The following TRIM71 variants were observed in gnomAD, a reference collection of about 807,000 sequenced individuals.
TRIM71 encodes the protein E3 ubiquitin-protein ligase TRIM71.
TRIM71 carries 9 observed loss-of-function variants against 61.2 expected under a neutral mutation model. The ratio of observed to expected loss-of-function variants is 0.15; its 90% confidence interval spans 0.09 to 0.26. TRIM71 has a LOEUF of 0.26. Ranked by LOEUF, TRIM71 falls within the 10% of genes least tolerant of loss-of-function variation. TRIM71 has a pLI of 1.00. For synonymous variants in TRIM71, 645 were observed against 553.2 expected (o/e 1.17, Z -2.33); for missense variants, 998 against 1,238.7 (o/e 0.81, Z 2.92).
rs1697037977 is a variant in TRIM71, at chr3:32,892,493, C to T, written c.*682C>T. The T allele has an allele frequency of 2.0e-5, 3 of 152,116 alleles. No individual in the cohort carries two copies. The highest frequency in any genetic ancestry group is 2.1e-4 in the South Asian group (1 of 4,826). 9.4% of individuals were successfully genotyped at this position (152,116 alleles called of 1,614,324 possible). A position where few individuals can be genotyped will look rare whatever the true frequency, so the allele number is the denominator to read the frequency against. ...TTCTGCATCGTTTCTTGATCTTAGA[C>T]GTTGTGGCTGTGGCTTGCTAGCCAA... On this transcript the variant is annotated 3_prime_UTR_variant, in exon 4 of 4. Coordinates refer to ENST00000383763, the MANE Select transcript of TRIM71 (RefSeq NM_001039111.3).
intron 1 of TRIM71, among the ~76,000 whole-genome samples, chr3:32,847,110 C>T (rs1007411537): frequency 4.6e-5 from 7 of 151,970 alleles, no homozygotes; most frequent in East Asian, 3.9e-4. Flanking sequence ...CTGCAACCTC[C>T]GCCTCCCAGG....
At position 32,897,147 on chromosome 3, in the gene TRIM71, C is replaced by T. The variant is rs529850106; in HGVS notation, c.*5336C>T. ...GCTCTCATGCCGGGTCAGCAAAATG[C>T]TTTAATTTTTAACTGCAGAACATGT... On this transcript the variant is annotated 3_prime_UTR_variant, in exon 4 of 4. Coordinates refer to ENST00000383763, the MANE Select transcript of TRIM71 (RefSeq NM_001039111.3). 1 of 151,074 alleles carries T rather than the reference C, an allele frequency of 6.6e-6. No homozygotes were observed. The highest frequency in any genetic ancestry group is 1.9e-4 in the East Asian group (1 of 5,176). 9.4% of individuals were successfully genotyped at this position (151,074 alleles called of 1,614,324 possible).
chr3:32,847,864 A>G (rs750816100), intron 1 of TRIM71, among the ~76,000 whole-genome samples: 1 of 152,218 alleles, frequency 6.6e-6, no homozygotes, highest in African/African-American at 2.4e-5. Context: ...GGCTCAACCA[A>G]CTGTGGATTG....
At chr3:32,844,659 T>A (rs1696450436) in intron 1 of TRIM71, among the ~76,000 whole-genome samples, 1 of 152,198 alleles carries the variant, frequency 6.6e-6, no homozygotes, top group African/African-American at 2.4e-5. Context: ...TCTCCTGAGT[T>A]GTAAATTGGT....
intron 1 of TRIM71, among the ~76,000 whole-genome samples, chr3:32,822,972 G>A (rs1696158381): frequency 1.3e-5 from 2 of 152,190 alleles, no homozygotes; most frequent in African/African-American, 4.8e-5. Context: ...GACAAGGAGA[G>A]AAAGTGAACA....
intron 2 of TRIM71, among the ~76,000 whole-genome samples, chr3:32,878,973 GT>G (rs1696878663): frequency 6.6e-6 from 1 of 152,224 alleles, no homozygotes; most frequent in African/African-American, 2.4e-5. Context: ...AAAGTCTGTT[GT>G]TTAGCTGTCT....
intron 1 of TRIM71, among the ~76,000 whole-genome samples, chr3:32,850,675 T>G (rs1696528288): frequency 6.6e-6 from 1 of 152,262 alleles, no homozygotes; most frequent in South Asian, 2.1e-4. Flanking sequence ...TAGATGAACA[T>G]TCTTTGAATT....
At chr3:32,819,469 G>T (rs1371177160) in intron 1 of TRIM71, among the ~76,000 whole-genome samples, 3 of 152,076 alleles carry the variant, frequency 2.0e-5, no homozygotes, top group African/African-American at 7.2e-5. Context: ...CACTTGTGAG[G>T]GGAAGACTGG....
chr3:32,848,396 G>A (rs1696499246), intron 1 of TRIM71, among the ~76,000 whole-genome samples: 2 of 152,146 alleles, frequency 1.3e-5, no homozygotes, highest in South Asian at 4.1e-4. Flanking sequence ...CTTGTCTGCA[G>A]AAGTCAGCTG....
At chr3:32,884,466 G>A (rs1445796262) in intron 2 of TRIM71, among the ~76,000 whole-genome samples, 1 of 151,652 alleles carries the variant, frequency 6.6e-6, no homozygotes, top group Non-Finnish European at 1.5e-5. Context: ...TGGAGGCCTA[G>A]GTGGGCAGAT....
At chr3:32,857,255 G>C (rs562644603) in intron 1 of TRIM71, among the ~76,000 whole-genome samples, 1 of 152,310 alleles carries the variant, frequency 6.6e-6, no homozygotes, top group South Asian at 2.1e-4. Context: ...TTAACTGGCA[G>C]ATTTGTAAAT....
rs778181595 is a variant in TRIM71 at position 32,891,481 on chromosome 3, C to T, written c.2277C>T (p.Gly759=). Residue 759 remains glycine (G), a synonymous_variant, in exon 4 of 4, where the codon GGC becomes GGT. Transcript: ENST00000383763. This position sits in a 1 kb window ranked among gnomAD's most constrained non-coding sequence, Gnocchi z 8.2. ...GGGGTGTGGCCTTCAACCATGAGGG[C>T]CACTTGGTGGTCACTGACTTCAACA... ...SPRGVAFNHE[G]HLVVTDFNNH... is the part of the protein sequence containing the mutation. 3 of 1,613,720 alleles carry T rather than the reference C, an allele frequency of 1.9e-6. No homozygotes were observed. Among genetic ancestry groups the T allele is most frequent in the Non-Finnish European group, 2.5e-6 (3 of 1,179,880 alleles).
In TRIM71 at chr3:32,818,333, G is replaced by A; in HGVS notation, c.253G>A (p.Glu85Lys). ...GGCGGCGGGCGGCGGCGCGGCGGGA[G>A]AGCCGCTCAAGCTGCGCTGCCCCGT... The part of the protein sequence containing the change: ...LPAAGGGAAG[E>K]PLKLRCPVCD... The change falls in exon 1 of 4, where the codon GAG (glutamate) becomes AAG (lysine). Residue 85 changes from glutamate (E) to lysine (K), a missense_variant. Glu to Lys is a moderately conservative substitution (Grantham distance 56, BLOSUM62 1). This residue lies in a region of TRIM71 where 527 missense variants were observed against 427.8 expected (regional missense o/e 1.23). Transcript: ENST00000383763. The A allele has an allele frequency of 1.4e-6, 2 of 1,447,400 alleles. No individual in the cohort carries two copies. Among genetic ancestry groups the A allele is most frequent in the South Asian group, 1.3e-5 (1 of 75,724 alleles). The allele number at this position is 1,447,400 out of a possible 1,614,324, so 89.7% of individuals were successfully genotyped here.
intron 1 of TRIM71, among the ~76,000 whole-genome samples, chr3:32,821,453 T>G (rs1270544583): frequency 6.7e-6 from 1 of 149,514 alleles, no homozygotes; most frequent in African/African-American, 2.5e-5. Flanking sequence ...AGGGGGACTT[T>G]CTTCCTTAAG....
intron 1 of TRIM71, among the ~76,000 whole-genome samples, chr3:32,858,408 A>C (rs1437043078): frequency 6.6e-6 from 1 of 152,162 alleles, no homozygotes; most frequent in East Asian, 1.9e-4. Context: ...CTTAAATCCG[A>C]TGTAAATAGT....
At chr3:32,836,411 A>G (rs75898418) in intron 1 of TRIM71, among the ~76,000 whole-genome samples, 1,677 of 152,242 alleles carry the variant, frequency 0.011, 22 homozygotes, top group African/African-American at 0.038. Context: ...GGTTAAAAAA[A>G]TTCAATTTGT....
intron 1 of TRIM71, among the ~76,000 whole-genome samples, chr3:32,860,347 C>A (rs1340362643): frequency 1.3e-5 from 2 of 151,992 alleles, no homozygotes; most frequent in Non-Finnish European, 2.9e-5. Context: ...TTAATAGATA[C>A]AGGGTTTCGC....
chr3:32,872,266 G>A lies in TRIM71; in HGVS notation c.853-1552G>A, dbSNP rs77161232. ...CTTTCGTTTTTCCTGTTTCTGAATC[G>A]TAAAGTTTCTAGAGAACCAGTTTAA... On this transcript the variant is annotated intron_variant, in intron 1 of 3. Coordinates refer to ENST00000383763, the MANE Select transcript of TRIM71 (RefSeq NM_001039111.3). Among the ~76,000 whole-genome samples, 1,232 of 152,144 alleles carry A rather than the reference G, an allele frequency of 8.1e-3. 19 individuals carry two copies. Among genetic ancestry groups the A allele is most frequent in the African/African-American group, 0.028 (1,157 of 41,500 alleles).
chr3:32,890,423 A>G lies in TRIM71; in HGVS notation c.1219A>G (p.Asn407Asp). Residue 407 changes from asparagine to aspartate, a missense_variant, in exon 4 of 4, where the codon AAC (asparagine) becomes GAC (aspartate). Coordinates refer to ENST00000383763, the MANE Select transcript of TRIM71 (RefSeq NM_001039111.3). This position sits in a 1 kb window ranked among gnomAD's most constrained non-coding sequence, Gnocchi z 6.2. ...CCTGCAGGTGGAGAAGCTGCGGCAA[A>G]ACCTCAACAAGCTTGAGAGCACCAT... ...LYLQVEKLRQ[N>D]LNKLESTISA... 1 of 1,614,034 alleles carries G rather than the reference A, an allele frequency of 6.2e-7. No individual in the cohort carries two copies. Among genetic ancestry groups the G allele is most frequent in the Non-Finnish European group, 8.5e-7 (1 of 1,179,926 alleles).
Sources: gnomAD v4.1 joint callset for allele counts (sites outside exome capture counted in the v4.1 genomes callset) on GRCh38, gnomAD v4.1.1 for gene constraint, gnomAD v4.1.1 regional missense constraint, Gnocchi (gnomAD v3.1) non-coding constraint, MANE v1.5 for transcripts, NCBI Gene and HGNC (gene_info 2026-07-23, HGNC 2026-07-21) for gene names.